The following RB1 variants were observed in gnomAD, a reference collection of about 807,000 sequenced individuals.
RB1 encodes the protein retinoblastoma-associated protein.
Under a neutral mutation model 135.4 loss-of-function variants are expected in RB1, and 18 were observed. The observed-to-expected ratio is 0.13, with a 90% confidence interval of 0.09 to 0.20. The LOEUF is 0.20. RB1 is among the 10% of genes least tolerant of loss of function. The pLI is 1.00. For missense variants in RB1, 868 were observed against 1,110.0 expected, an observed-to-expected ratio of 0.78 and a Z score of 3.10; for synonymous variants, 365 against 373.2, an observed-to-expected ratio of 0.98 and a Z score of 0.25.
At chr13:48,363,053 T>C (rs1457881426) in intron 8 of RB1, 96 bp downstream of exon 8, 2 of 1,463,786 alleles carry the variant, frequency 1.4e-6, no homozygotes, top group African/African-American at 2.8e-5. Flanking sequence ...GAGCATGTTT[T>C]TTTTGTAATT....
intron 20 of RB1, among the ~76,000 whole-genome samples, chr13:48,460,997 T>G (rs1262025978): frequency 6.6e-6 from 1 of 152,074 alleles, no homozygotes; most frequent in African/African-American, 2.4e-5. Context: ...TATATACATA[T>G]ATAGTTAATA....
rs1593538833 is a variant in RB1, at chr13:48,464,771, C to T, written c.2212-227C>T. Among the ~76,000 whole-genome samples the T allele has an allele frequency of 2.6e-5, 4 of 152,226 alleles. No individual in the cohort carries two copies. The East Asian group carries it at 7.7e-4, about 29-fold the overall frequency. ...CATCTGCTGCTGCCTGGCTATTTCT[C>T]TCAATCATTCTGTGACATTTCACTT... is the stretch of plus-strand genomic sequence containing the variant. On this transcript the variant is annotated intron_variant, in intron 21 of 26. Coordinates refer to ENST00000267163, the MANE Select transcript of RB1 (RefSeq NM_000321.3).
chr13:48,406,067 G>A (rs941294427), intron 17 of RB1, among the ~76,000 whole-genome samples: 8 of 151,204 alleles, frequency 5.3e-5, no homozygotes, highest in Admixed American at 4.0e-4. Flanking sequence ...CCAGTATTTT[G>A]CAATTTCAAC....
intron 2 of RB1, among the ~76,000 whole-genome samples, chr13:48,332,267 T>G (rs1295349294): frequency 2.6e-5 from 4 of 152,288 alleles, no homozygotes; most frequent in South Asian, 2.1e-4. Context: ...GTACAAACTT[T>G]CAGTTATAAA....
rs764752878 is a variant in RB1 at position 48,412,186 on chromosome 13, G to T, written c.1695+30743G>T. ...AGTAAATCTCCAAATGGCCAATTCCGTGTTGTGAAGTAAAAAATCCTGAAG... is the reference window on the plus strand; with the variant it reads ...AGTAAATCTCCAAATGGCCAATTCCTTGTTGTGAAGTAAAAAATCCTGAAG... On this transcript the variant is annotated intron_variant, in intron 17 of 26. Coordinates refer to ENST00000267163, the MANE Select transcript of RB1 (RefSeq NM_000321.3). 2 of 1,613,794 alleles carry T rather than the reference G, an allele frequency of 1.2e-6. No homozygotes were observed. The highest frequency in any genetic ancestry group is 1.7e-6 in the Non-Finnish European group (2 of 1,179,956).
rs777789154 is a variant in RB1, at chr13:48,476,839, G to A, written c.2659G>A (p.Gly887Arg). Residue 887 changes from glycine (G) to arginine (R), a missense_variant, in exon 25 of 27, where the codon GGA becomes AGA. Transcript: ENST00000267163. The stretch of plus-strand genomic sequence containing the variant: ...TATTGAAGGATCAGATGAAGCAGAT[G>A]GAAGGTAGGAACCAGTTTTGAATGT... ...FDIEGSDEAD[G>R]SKHLPGESKF... 1.2e-6 allele frequency: 2 copies of A among 1,613,458 alleles called. No individual in the cohort carries two copies. Among genetic ancestry groups the A allele is most frequent in the Non-Finnish European group, 1.7e-6 (2 of 1,179,536 alleles).
At chr13:48,465,862 C>T (rs1186780035) in intron 23 of RB1, among the ~76,000 whole-genome samples, 2 of 150,874 alleles carry the variant, frequency 1.3e-5, no homozygotes, top group Non-Finnish European at 3.0e-5. Context: ...GCTTAAGAAA[C>T]GGCGCACCAC....
intron 9 of RB1, among the ~76,000 whole-genome samples, chr13:48,365,904 T>C (rs1021923373): frequency 2.6e-5 from 4 of 152,178 alleles, no homozygotes; most frequent in African/African-American, 9.7e-5. Flanking sequence ...TTCTGTGATA[T>C]CTCAAAGGAG....
At chr13:48,356,897 C>A (rs1405184752) in intron 6 of RB1, among the ~76,000 whole-genome samples, 1 of 151,958 alleles carries the variant, frequency 6.6e-6, no homozygotes, top group African/African-American at 2.4e-5. Flanking sequence ...ACAGCTTTGT[C>A]ATGTATTCTA....
At chr13:48,313,905 C>T (rs189701850) in intron 2 of RB1, among the ~76,000 whole-genome samples, 1,529 of 152,040 alleles carry the variant, frequency 0.01, 13 homozygotes, top group Non-Finnish European at 0.016. Context: ...CCTGCCACCA[C>T]GCCCGGCTAA....
At chr13:48,360,539 C>T (rs182318716) in intron 7 of RB1, 199 of 180,404 alleles carry the variant, frequency 1.1e-3, no homozygotes, top group African/African-American at 4.3e-3. Flanking sequence ...AATGAAATTG[C>T]ATGGGGAAGA....
intron 17 of RB1, among the ~76,000 whole-genome samples, chr13:48,448,609 C>T (rs1417431817): frequency 6.6e-6 from 1 of 152,166 alleles, no homozygotes. Flanking sequence ...TATCAAGTAC[C>T]TACTTGACAT....
chr13:48,456,369 CA>C lies in RB1; in HGVS notation c.1960+22del. 1.2e-6 allele frequency: 2 copies of C among 1,613,018 alleles called. No homozygotes were observed. On this transcript the variant is annotated intron_variant, in intron 19 of 26. Coordinates refer to ENST00000267163, the MANE Select transcript of RB1 (RefSeq NM_000321.3). ...AAAAAGGTTAGTAGATGATTATTTT[CA>C]AGAGCATGGACTCTGAAACTAGGCT...
intron 2 of RB1, among the ~76,000 whole-genome samples, chr13:48,337,776 G>A (rs1215814265): frequency 3.3e-5 from 5 of 152,120 alleles, no homozygotes; most frequent in African/African-American, 4.8e-5. Flanking sequence ...TCCTAGCCTC[G>A]ATGGTCTTTA....
At chr13:48,417,453 A>G (rs1948931559) in intron 17 of RB1, 1 of 152,230 alleles carries the variant, frequency 6.6e-6, no homozygotes, top group Admixed American at 6.5e-5. Context: ...AAGGTAGATA[A>G]ATCCATGAAG....
chr13:48,321,416 C>G (rs992371268), intron 2 of RB1, among the ~76,000 whole-genome samples: 1 of 149,540 alleles, frequency 6.7e-6, no homozygotes, highest in Non-Finnish European at 1.5e-5. Flanking sequence ...TGCCACCGCC[C>G]CGCACCTTTT....
chr13:48,318,518 G>T, intron 2 of RB1: 3 of 992,102 alleles, frequency 3.0e-6, no homozygotes, highest in South Asian at 3.1e-5. Context: ...GAGTGTCGCC[G>T]GGCCCCTTGG....
chr13:48,358,084 T>C (rs1952608468), intron 6 of RB1, among the ~76,000 whole-genome samples: 1 of 152,030 alleles, frequency 6.6e-6, no homozygotes, highest in African/African-American at 2.4e-5. Context: ...GGCATTGCAG[T>C]AGAGATAGTT....
At chr13:48,457,886 C>T (rs533037022) in intron 19 of RB1, among the ~76,000 whole-genome samples, 79 of 152,318 alleles carry the variant, frequency 5.2e-4, no homozygotes, top group African/African-American at 1.9e-3. Flanking sequence ...TCTGAGCCTG[C>T]GAGGGCGGTG....
Sources: gnomAD v4.1 joint callset for allele counts (sites outside exome capture counted in the v4.1 genomes callset) on GRCh38, gnomAD v4.1.1 for gene constraint, MANE v1.5 for transcripts, NCBI Gene and HGNC (gene_info 2026-07-23, HGNC 2026-07-21) for gene names.